Variants in MAP4K3 observed in about 807,000 individuals in gnomAD.
MAP4K3 encodes mitogen-activated protein kinase kinase kinase kinase 3, also known as MAPK/ERK kinase kinase kinase 3.
A neutral mutation model predicts 143.5 loss-of-function variants in MAP4K3; 94 were observed. That is an observed-to-expected ratio of 0.65 (90% CI 0.55 to 0.78). The LOEUF is 0.78. Among genes scored for constraint, MAP4K3 ranks in the 30% least tolerant of loss-of-function variants. The pLI, the probability that MAP4K3 is intolerant of heterozygous loss-of-function variation, is 0.00. For missense variants in MAP4K3, 1,077 were observed against 1,068.1 expected (o/e 1.01, Z -0.12); for synonymous variants, 416 against 347.2 (o/e 1.20, Z -2.20).
At chr2:39,413,114 T>A (rs1379273032) in intron 1 of MAP4K3, among the ~76,000 whole-genome samples, 2 of 152,270 alleles carry the variant, frequency 1.3e-5, no homozygotes. Context: ...TACATCTCGA[T>A]GTTCCATTTT....
At chr2:39,341,334 T>A (rs1665133174) in intron 4 of MAP4K3, among the ~76,000 whole-genome samples, 1 of 152,054 alleles carries the variant, frequency 6.6e-6, no homozygotes, top group Non-Finnish European at 1.5e-5. Flanking sequence ...GGTCAAACAC[T>A]GAGGAAGTTT....
At chr2:39,356,004 C>T (rs143035782) in intron 3 of MAP4K3, among the ~76,000 whole-genome samples, 27 of 152,264 alleles carry the variant, frequency 1.8e-4, no homozygotes, top group African/African-American at 5.3e-4. Flanking sequence ...GAAGACTAAC[C>T]GTAAGGTTTT....
intron 13 of MAP4K3, among the ~76,000 whole-genome samples, chr2:39,313,043 G>C (rs556318437): frequency 4.1e-4 from 62 of 152,214 alleles, no homozygotes; most frequent in African/African-American, 1.5e-3. Context: ...TCCAGAAAGG[G>C]AGCAAAGTCC....
At chr2:39,348,251 A>G (rs1459973764) in intron 3 of MAP4K3, among the ~76,000 whole-genome samples, 1 of 151,920 alleles carries the variant, frequency 6.6e-6, no homozygotes, top group African/African-American at 2.4e-5. Flanking sequence ...ACTACCTTCT[A>G]CTTGAAGTTG....
At chr2:39,390,083 A>T (rs1418322671) in intron 1 of MAP4K3, among the ~76,000 whole-genome samples, 3 of 152,192 alleles carry the variant, frequency 2.0e-5, no homozygotes, top group African/African-American at 7.2e-5. Context: ...TAATGAAAGT[A>T]GTATATAACA....
At chr2:39,310,645 T>A (rs2148500396) in intron 13 of MAP4K3, among the ~76,000 whole-genome samples, 1 of 152,298 alleles carries the variant, frequency 6.6e-6, no homozygotes, top group South Asian at 2.1e-4. Flanking sequence ...TATTTTTAGT[T>A]CTTGAGGAAC....
chr2:39,333,417 A>G (rs1683744913), intron 7 of MAP4K3, 115 bp downstream of exon 7: 2 of 754,872 alleles, frequency 2.6e-6, no homozygotes, highest in Admixed American at 2.3e-5. Flanking sequence ...TTTCCATCTA[A>G]AAATACACAG....
rs1665612928 is a variant in MAP4K3 at position 39,356,425 on chromosome 2, G to GT, written c.155-87dup. 13 of 710,000 alleles carry GT rather than the reference G, an allele frequency of 1.8e-5. No individual in the cohort carries two copies. The East Asian group carries it at 3.7e-4, about 20-fold the overall frequency. 44.0% of individuals were successfully genotyped at this position (710,000 alleles called of 1,614,324 possible). A position where few individuals can be genotyped will look rare whatever the true frequency, so the allele number is the denominator to read the frequency against. On this transcript the variant is annotated intron_variant, in intron 2 of 33. Coordinates refer to ENST00000263881, the MANE Select transcript of MAP4K3 (RefSeq NM_003618.4). ...TCAAAACACAATAAAATAATTATAC[G>GT]TATTAATAAGTATAACATAATTAAT...
Position 39,311,566 on chromosome 2 carries a change from G to C in MAP4K3, c.998-2047C>G, listed in dbSNP as rs576893375. Among the ~76,000 whole-genome samples the C allele has an allele frequency of 9.3e-4, 142 of 152,358 alleles. 1 individual carries two copies. The highest frequency in any genetic ancestry group is 3.1e-3 in the African/African-American group (127 of 41,584). The stretch of plus-strand genomic sequence containing the variant: ...GAAGTTAACTGTATATGAGTTCCAA[G>C]ATAAAGCTTCTGTCTTGGGCTCTCT... On this transcript the variant is annotated intron_variant, in intron 13 of 33. Transcript: ENST00000263881.
intron 24 of MAP4K3, among the ~76,000 whole-genome samples, chr2:39,274,723 A>G (rs954447768): frequency 6.6e-6 from 1 of 152,196 alleles, no homozygotes; most frequent in Non-Finnish European, 1.5e-5. Flanking sequence ...TAATTTACTG[A>G]ATCTCTGTCT....
In MAP4K3 at chr2:39,372,669, C is replaced by G. The variant is rs115615075; in HGVS notation, c.154+5397G>C. ...GTGAATGCATTTTCAACAAAGATAC[C>G]AAGAACATACACTGGGGAAAGGACA... is the stretch of plus-strand genomic sequence containing the variant. On this transcript the variant is annotated intron_variant, in intron 2 of 33. Transcript: ENST00000263881. Among the ~76,000 whole-genome samples the G allele has an allele frequency of 6.0e-3, 918 of 152,038 alleles. 10 individuals carry two copies. Among genetic ancestry groups the G allele is most frequent in the African/African-American group, 0.021 (881 of 41,478 alleles).
chr2:39,435,960 G>A (rs946539418), intron 1 of MAP4K3, among the ~76,000 whole-genome samples: 11 of 152,202 alleles, frequency 7.2e-5, no homozygotes, highest in African/African-American at 2.7e-4. Context: ...ACTTTCCAAT[G>A]CAAAATTAAG....
At chr2:39,326,994 C>T (rs2148516908) in intron 8 of MAP4K3, among the ~76,000 whole-genome samples, 1 of 152,112 alleles carries the variant, frequency 6.6e-6, no homozygotes, top group African/African-American at 2.4e-5. Context: ...CACTTCAGTC[C>T]CCTATTGCTG....
At chr2:39,347,990 T>G (rs1326623105) in intron 3 of MAP4K3, among the ~76,000 whole-genome samples, 3 of 152,018 alleles carry the variant, frequency 2.0e-5, no homozygotes, top group Non-Finnish European at 2.9e-5. Flanking sequence ...CTTCTGTTTG[T>G]CAATACTCAT....
chr2:39,315,442 T>TG (rs1350099922), intron 12 of MAP4K3, 54 bp from the exon 13 acceptor site: 2 of 1,265,978 alleles, frequency 1.6e-6, no homozygotes, highest in Non-Finnish European at 2.3e-6. Context: ...AGTCATAGTT[T>TG]GGTCCACAAA....
At chr2:39,406,111 A>C (rs2148612967) in intron 1 of MAP4K3, among the ~76,000 whole-genome samples, 1 of 152,188 alleles carries the variant, frequency 6.6e-6, no homozygotes, top group East Asian at 1.9e-4. Flanking sequence ...TGAAGAGCAC[A>C]TTGGAGTCTC....
intron 2 of MAP4K3, among the ~76,000 whole-genome samples, chr2:39,377,484 G>A (rs554427316): frequency 1.3e-5 from 2 of 152,024 alleles, no homozygotes; most frequent in Admixed American, 1.3e-4. Flanking sequence ...GGTTTTGAGG[G>A]AAGTAGGAGG....
chr2:39,336,952 G>A lies in MAP4K3; in HGVS notation c.382C>T (p.His128Tyr). The change falls in exon 6 of 34, where the codon CAC becomes TAC. Residue 128 changes from histidine (H) to tyrosine (Y), a missense_variant. Around this residue, in one of 2 missense-constraint regions of MAP4K3, gnomAD observed 213 missense variants for 266.8 expected, o/e 0.80. Transcript: ENST00000263881. ...RETLQGLYYL[H>Y]SKGKMHRDIK... ...TCTCTGTGCATTTTTCCTTTACTGT[G>A]AAGATAATATAATCCCTGGAGTTTC... 1.5e-6 allele frequency: 2 copies of A among 1,335,342 alleles called. No homozygotes were observed. The highest frequency in any genetic ancestry group is 2.0e-5 in the Admixed American group (1 of 49,050). The allele number at this position is 1,335,342 out of a possible 1,614,324, so 82.7% of individuals were successfully genotyped here.
chr2:39,274,128 T>C (rs1424929009), intron 24 of MAP4K3, among the ~76,000 whole-genome samples: 3 of 152,180 alleles, frequency 2.0e-5, no homozygotes, highest in East Asian at 1.9e-4. Context: ...CACAAATTCC[T>C]TTCATATTTT....
Sources: allele counts gnomAD v4.1 joint callset (sites outside exome capture counted in the v4.1 genomes callset), GRCh38; gene constraint gnomAD v4.1.1; regional missense constraint gnomAD v4.1.1; transcripts MANE v1.5; gene names NCBI Gene and HGNC (gene_info 2026-07-23, HGNC 2026-07-21).